TRAPPC9: variants seen among roughly 807,000 people sequenced by gnomAD.
TRAPPC9 encodes IKK2 binding protein.
In TRAPPC9, 83 loss-of-function variants were observed where a neutral mutation model predicts 124.0. The ratio of observed to expected loss-of-function variants is 0.67; its 90% CI spans 0.56 to 0.80. The LOEUF is 0.80. Ranked by LOEUF, TRAPPC9 falls within the 30% of genes least tolerant of loss-of-function variation. TRAPPC9 has a pLI of 0.00. For synonymous variants in TRAPPC9, 638 were observed against 617.5 expected, an observed-to-expected ratio of 1.03 and a Z score of -0.49; for missense variants, 1,302 against 1,508.3, an observed-to-expected ratio of 0.86 and a Z score of 2.27.
intron 21 of TRAPPC9, among the ~76,000 whole-genome samples, chr8:139,804,978 G>A (rs1018550130): frequency 6.6e-6 from 1 of 152,200 alleles, no homozygotes; most frequent in South Asian, 2.1e-4. Context: ...GTCCTCAAGT[G>A]GCAACACTCA....
chr8:140,288,491 C>T (rs966481938), intron 12 of TRAPPC9, among the ~76,000 whole-genome samples: 1 of 152,168 alleles, frequency 6.6e-6, no homozygotes, highest in Non-Finnish European at 1.5e-5. Flanking sequence ...GGCCTCAAGA[C>T]GGTGGCCCAT....
chr8:140,124,651 G>A (rs894918318), intron 17 of TRAPPC9, among the ~76,000 whole-genome samples: 1 of 152,086 alleles, frequency 6.6e-6, no homozygotes, highest in Non-Finnish European at 1.5e-5. Flanking sequence ...ACACCACGCA[G>A]GCAGGGAAGC....
At position 140,358,268 on chromosome 8, in the gene TRAPPC9, G is replaced by A. The variant is rs182122818; in HGVS notation, c.1495+1782C>T. On this transcript the variant is annotated intron_variant, in intron 9 of 22. Coordinates refer to ENST00000438773, the MANE Select transcript of TRAPPC9 (RefSeq NM_001160372.4). The stretch of plus-strand genomic sequence containing the variant: ...ATCGCCCAGGCTGGAGTGCAATGGC[G>A]CAACATTGGCTCTCTGCAAGCGCCA... Among the ~76,000 whole-genome samples the A allele has an allele frequency of 1.2e-4, 18 of 152,260 alleles. No individual in the cohort carries two copies. The East Asian group carries it at 1.9e-3, about 16-fold the overall frequency.
intron 17 of TRAPPC9, among the ~76,000 whole-genome samples, chr8:140,089,183 C>G (rs531038231): frequency 6.6e-6 from 1 of 152,312 alleles, no homozygotes; most frequent in African/African-American, 2.4e-5. Flanking sequence ...GCACTGATGG[C>G]CTTTTTCTTC....
intron 21 of TRAPPC9, among the ~76,000 whole-genome samples, chr8:139,796,292 C>T (rs112119785): frequency 1.3e-5 from 2 of 152,274 alleles, no homozygotes; most frequent in Middle Eastern, 3.4e-3. Context: ...TATCTGAGGG[C>T]CTAGGCAGGT....
rs797022200 is a variant in TRAPPC9, at chr8:139,990,594, CT to C, written c.2700-1759del. ...CAGGAACATGTCACCATTTCTTTTTCTTTTTTTTTTTGACAGAGTCTCACTC... is the reference window on the plus strand; with the variant it reads ...CAGGAACATGTCACCATTTCTTTTTCTTTTTTTTTTGACAGAGTCTCACTC... On this transcript the variant is annotated intron_variant, in intron 18 of 22. Coordinates refer to ENST00000438773, the MANE Select transcript of TRAPPC9 (RefSeq NM_001160372.4). Among the ~76,000 whole-genome samples, 1,202 of 146,908 alleles carry C rather than the reference CT, an allele frequency of 8.2e-3. 11 individuals carry two copies. Among genetic ancestry groups the C allele is most frequent in the African/African-American group, 0.027 (1,085 of 40,424 alleles).
chr8:139,875,673 G>A (rs932475163), intron 21 of TRAPPC9, among the ~76,000 whole-genome samples: 3 of 152,126 alleles, frequency 2.0e-5, no homozygotes, highest in African/African-American at 4.8e-5. Flanking sequence ...AACTCAGGCC[G>A]ACCAGGCTCT....
chr8:140,427,257 AG>A (rs1158299938), intron 4 of TRAPPC9, among the ~76,000 whole-genome samples: 1 of 152,080 alleles, frequency 6.6e-6, no homozygotes, highest in Non-Finnish European at 1.5e-5. Flanking sequence ...CAAGTGACAA[AG>A]GATTATTATT....
At chr8:140,398,570 T>C (rs1407059701) in intron 6 of TRAPPC9, among the ~76,000 whole-genome samples, 1 of 152,190 alleles carries the variant, frequency 6.6e-6, no homozygotes, top group Non-Finnish European at 1.5e-5. Context: ...ACTGGTGGCA[T>C]TTTGCCCCTG....
At chr8:139,754,626 C>T (rs1403209284) in intron 21 of TRAPPC9, among the ~76,000 whole-genome samples, 1 of 152,220 alleles carries the variant, frequency 6.6e-6, no homozygotes. Flanking sequence ...TCCCATGGGT[C>T]GGCTGAAATC....
At chr8:140,324,631 A>T (rs916477992) in intron 9 of TRAPPC9, among the ~76,000 whole-genome samples, 26 of 152,110 alleles carry the variant, frequency 1.7e-4, no homozygotes, top group Non-Finnish European at 2.5e-4. Context: ...TTAGGCGGGC[A>T]TGGTAGTACG....
chr8:140,109,831 G>A (rs1169967090), intron 17 of TRAPPC9, among the ~76,000 whole-genome samples: 1 of 152,206 alleles, frequency 6.6e-6, no homozygotes, highest in Non-Finnish European at 1.5e-5. Flanking sequence ...CCTGGGCCAC[G>A]CAGGCCAGCC....
At chr8:140,304,068 G>C (rs1284992750) in intron 10 of TRAPPC9, among the ~76,000 whole-genome samples, 3 of 152,002 alleles carry the variant, frequency 2.0e-5, no homozygotes, top group Admixed American at 6.6e-5. Context: ...TATGTCATAG[G>C]GGCTGACCTG....
chr8:139,785,727 T>TA (rs976121444), intron 21 of TRAPPC9, among the ~76,000 whole-genome samples: 8 of 144,792 alleles, frequency 5.5e-5, no homozygotes, highest in East Asian at 4.0e-4. Flanking sequence ...AGACTCCATC[T>TA]AAAAAAAAAG....
intron 16 of TRAPPC9, among the ~76,000 whole-genome samples, chr8:140,233,723 G>T: frequency 7.6e-6 from 1 of 131,886 alleles, no homozygotes. Flanking sequence ...GCTCTTTTCT[G>T]CCACAGAGTT....
At chr8:140,403,889 C>T (rs916326616) in intron 6 of TRAPPC9, among the ~76,000 whole-genome samples, 1 of 152,030 alleles carries the variant, frequency 6.6e-6, no homozygotes, top group Non-Finnish European at 1.5e-5. Flanking sequence ...AACTCCTGAG[C>T]TCAGGCAATC....
In TRAPPC9 at chr8:139,926,613, A is replaced by T. The variant is rs530665290; in HGVS notation, c.2811-16313T>A. The stretch of plus-strand genomic sequence containing the variant: ...AAAATACAATGAATTAAAATAAAAA[A>T]AAAAAAAAAACTCCTGAATAGCTTG... On this transcript the variant is annotated intron_variant, in intron 19 of 22. Transcript: ENST00000438773. 1.1e-3 allele frequency among the ~76,000 whole-genome samples: 165 copies of T among 151,542 alleles called. 2 individuals are homozygous for T. In the Middle Eastern group the frequency reaches 0.017, roughly 16 times the overall value.
chr8:140,031,077 T>C (rs1840467110), intron 17 of TRAPPC9, among the ~76,000 whole-genome samples: 1 of 152,192 alleles, frequency 6.6e-6, no homozygotes, highest in African/African-American at 2.4e-5. Context: ...TCGTAAACAT[T>C]ATTAAAGAAT....
chr8:140,220,965 C>T lies in TRAPPC9; in HGVS notation c.2556+494G>A, dbSNP rs567605228. ...CGGAGCACTTGTGTAGGCCTCTCCA[C>T]GGAGCCAGCAGCCACCTCTGCTCAC... On this transcript the variant is annotated intron_variant, in intron 17 of 22. Transcript: ENST00000438773. Among the ~76,000 whole-genome samples, 23 of 152,314 alleles carry T rather than the reference C, an allele frequency of 1.5e-4. No individual in the cohort carries two copies. The East Asian group carries it at 2.7e-3, about 18-fold the overall frequency.
Sources: allele counts gnomAD v4.1 joint callset (sites outside exome capture counted in the v4.1 genomes callset), GRCh38; gene constraint gnomAD v4.1.1; transcripts MANE v1.5; gene names NCBI Gene and HGNC (gene_info 2026-07-23, HGNC 2026-07-21).